Variants in VWF observed in about 807,000 individuals in gnomAD.
VWF encodes the protein Factor VIII related antigen.
Under a neutral mutation model 308.6 loss-of-function variants are expected in VWF, and 176 were observed. That is an observed-to-expected ratio of 0.57 (90% CI 0.50 to 0.65). The LOEUF is 0.65. Ranked by LOEUF, VWF falls within the 30% of genes least tolerant of loss-of-function variation. The pLI is 0.00. For missense variants in VWF, 3,146 were observed against 3,648.2 expected (o/e 0.86, Z 3.55); for synonymous variants, 1,385 against 1,443.4 (o/e 0.96, Z 0.92).
chr12:6,099,318 CAA>C (rs1177262693), intron 5 of VWF, among the ~76,000 whole-genome samples: 56 of 65,590 alleles, frequency 8.5e-4, no homozygotes, highest in African/African-American at 2.1e-3. Context: ...GACTCTATCT[CAA>C]AAAAAAAAAA....
At chr12:6,056,299 C>T (rs574717331) in intron 15 of VWF, among the ~76,000 whole-genome samples, 3 of 151,784 alleles carry the variant, frequency 2.0e-5, no homozygotes, top group East Asian at 1.9e-4. Flanking sequence ...ACAATAGATA[C>T]CACCTCTGGT....
In VWF at chr12:6,020,111, C is replaced by A. The variant is rs538233649; in HGVS notation, c.3675-368G>T. Among the ~76,000 whole-genome samples the A allele has an allele frequency of 1.3e-5, 2 of 152,214 alleles. No individual in the cohort carries two copies. Among genetic ancestry groups the A allele is most frequent in the South Asian group, 4.1e-4 (2 of 4,836 alleles). On this transcript the variant is annotated intron_variant, in intron 27 of 51. Coordinates refer to ENST00000261405, the MANE Select transcript of VWF (RefSeq NM_000552.5). This position sits in a 1 kb window ranked among gnomAD's most constrained non-coding sequence, Gnocchi z 4.3. ...CATGAATACTTAATTATAATCCAAG[C>A]CTTCTTACAAGTGTCTCCAAGAACA...
At chr12:5,957,118 G>A (rs553017767) in intron 47 of VWF, among the ~76,000 whole-genome samples, 1 of 152,288 alleles carries the variant, frequency 6.6e-6, no homozygotes, top group Non-Finnish European at 1.5e-5. Flanking sequence ...GTTGCCTACA[G>A]TATTCAGCAC....
intron 22 of VWF, among the ~76,000 whole-genome samples, chr12:6,026,606 AC>A (rs1944195514): frequency 6.6e-6 from 1 of 152,366 alleles, no homozygotes; most frequent in African/African-American, 2.4e-5. Context: ...ATGGAGTGCA[AC>A]ATGCAACAAG....
intron 5 of VWF, among the ~76,000 whole-genome samples, chr12:6,101,206 T>C (rs1020806819): frequency 6.6e-6 from 1 of 152,168 alleles, no homozygotes; most frequent in Non-Finnish European, 1.5e-5. Context: ...TAAGTAGAGA[T>C]GAGCTGATAA....
chr12:5,989,536 TTAAC>T (rs1378704397), intron 38 of VWF, among the ~76,000 whole-genome samples: 10 of 152,260 alleles, frequency 6.6e-5, no homozygotes, highest in Non-Finnish European at 1.5e-4. Flanking sequence ...AAGTTTTCAA[TTAAC>T]TAATTTTATT....
intron 11 of VWF, among the ~76,000 whole-genome samples, chr12:6,064,931 G>C (rs7295375): frequency 1.3e-5 from 2 of 152,202 alleles, no homozygotes; most frequent in African/African-American, 2.4e-5. Flanking sequence ...ATTATTGTCA[G>C]GGCAGGATGC....
At chr12:6,043,296 C>T (rs1944412884) in intron 18 of VWF, among the ~76,000 whole-genome samples, 1 of 152,170 alleles carries the variant, frequency 6.6e-6, no homozygotes, top group South Asian at 2.1e-4. Context: ...CTGAGAGACA[C>T]TGGTAATTGA....
chr12:6,010,943 A>T (rs1184059097), intron 34 of VWF, among the ~76,000 whole-genome samples: 1 of 152,226 alleles, frequency 6.6e-6, no homozygotes, highest in Admixed American at 6.5e-5. Flanking sequence ...AGTCTGGTGG[A>T]GTTTTCACCT....
chr12:6,109,284 CATAT>C (rs1053047016), intron 5 of VWF, among the ~76,000 whole-genome samples: 1 of 149,906 alleles, frequency 6.7e-6, no homozygotes, highest in African/African-American at 2.5e-5. Context: ...TATACACACA[CATAT>C]ATAATTACAT....
chr12:6,108,415 CATTATAGAAAA>C (rs1665193403), intron 5 of VWF, among the ~76,000 whole-genome samples: 1 of 147,870 alleles, frequency 6.8e-6, no homozygotes, highest in African/African-American at 2.5e-5. Context: ...AATTCACCAC[CATTATAGAAAA>C]ATTTAGCTCT....
At chr12:5,971,460 A>G in intron 44 of VWF, 139 bp downstream of exon 44, 1 of 717,902 alleles carries the variant, frequency 1.4e-6, no homozygotes, top group Non-Finnish European at 2.4e-6. Context: ...CCCAGCTGGC[A>G]TCTGGATAAC....
chr12:6,049,378 A>C (rs1944482556), intron 16 of VWF, among the ~76,000 whole-genome samples: 1 of 151,996 alleles, frequency 6.6e-6, no homozygotes, highest in Admixed American at 6.6e-5. Flanking sequence ...AAAGAGCCCA[A>C]AGCCAGGGTC....
At position 5,952,414 on chromosome 12, in the gene VWF, C is replaced by A; in HGVS notation, c.8092G>T (p.Glu2698Ter). The A allele has an allele frequency of 6.2e-7, 1 of 1,614,068 alleles. No homozygotes were observed. The highest frequency in any genetic ancestry group is 1.1e-5 in the South Asian group (1 of 91,068). The change falls in exon 49 of 52, where the codon GAA becomes TAA. Residue 2698 changes from glutamate to a stop codon, truncating the protein, a stop_gained. Transcript: ENST00000261405. LOFTEE classifies it high-confidence loss of function. ...KRVTGCPPFD[E>*]HKCLAEGGKI... ...ACTCCCTCAGCCAGACACTTGTGTT[C>A]ATCAAAGGGTGGGCAGCCTGTGACC...
intron 45 of VWF, 66 bp from the exon 46 acceptor site, chr12:5,968,233 C>T: frequency 6.2e-7 from 1 of 1,601,430 alleles, no homozygotes. Flanking sequence ...GGCGAGCAGG[C>T]TGCTCTCTTT....
intron 31 of VWF, among the ~76,000 whole-genome samples, chr12:6,014,859 G>A (rs1345537081): frequency 1.3e-5 from 2 of 152,210 alleles, no homozygotes; most frequent in African/African-American, 2.4e-5. Flanking sequence ...ATGAGAAACC[G>A]AGGCTTTGGA....
intron 22 of VWF, among the ~76,000 whole-genome samples, chr12:6,028,446 G>C (rs1944219646): frequency 1.3e-5 from 2 of 152,094 alleles, no homozygotes; most frequent in Non-Finnish European, 2.9e-5. Context: ...GCAACCCCAA[G>C]ACACATAATT....
chr12:6,106,615 T>C (rs943134049), intron 5 of VWF, among the ~76,000 whole-genome samples: 1 of 152,192 alleles, frequency 6.6e-6, no homozygotes, highest in African/African-American at 2.4e-5. Context: ...GGCTCACGCC[T>C]GTAATCCCAG....
chr12:5,950,635 C>T (rs1356355724), intron 50 of VWF, among the ~76,000 whole-genome samples: 1 of 151,790 alleles, frequency 6.6e-6, no homozygotes, highest in Non-Finnish European at 1.5e-5. Context: ...AAAGGGAAAG[C>T]CTGCCAATTA....
Sources: allele counts gnomAD v4.1 joint callset (sites outside exome capture counted in the v4.1 genomes callset), GRCh38; gene constraint gnomAD v4.1.1; non-coding constraint Gnocchi (gnomAD v3.1); transcripts MANE v1.5; gene names NCBI Gene and HGNC (gene_info 2026-07-23, HGNC 2026-07-21).